Variants in BRAT1 observed in about 807,000 individuals in gnomAD.
The protein encoded by BRAT1 is integrator complex assembly factor BRAT1.
Under a neutral mutation model 70.6 loss-of-function variants are expected in BRAT1, and 74 were observed. The observed-to-expected ratio is 1.05, with a 90% CI of 0.87 to 1.27. BRAT1 has a LOEUF of 1.27. Ranked by LOEUF, BRAT1 falls within the 50% of genes most tolerant of loss-of-function variation. The pLI, the probability that BRAT1 is intolerant of heterozygous loss-of-function variation, is 0.00. For synonymous variants in BRAT1, 615 were observed against 517.1 expected, an observed-to-expected ratio of 1.19 and a Z score of -2.57; for missense variants, 1,203 against 1,098.2, an observed-to-expected ratio of 1.10 and a Z score of -1.35.
intron 6 of BRAT1, 61 bp from the exon 7 acceptor site, chr7:2,542,272 C>T: frequency 1.4e-6 from 2 of 1,398,546 alleles, no homozygotes; most frequent in Non-Finnish European, 9.9e-7. Flanking sequence ...GGCTGTGCTC[C>T]TAATGTCCCC....
intron 8 of BRAT1, 63 bp from the exon 9 acceptor site, chr7:2,541,547 C>T: frequency 6.7e-7 from 1 of 1,489,750 alleles, no homozygotes; most frequent in East Asian, 2.5e-5. Context: ...TGCAGGGGTG[C>T]TGGGACTTCG....
chr7:2,538,598 A>G lies in BRAT1; in HGVS notation c.1937T>C (p.Leu646Pro). Residue 646 changes from leucine (L) to proline (P), a missense_variant, in exon 14 of 14, where the codon CTG becomes CCG. Physicochemically the swap from Leu to Pro is moderately conservative, Grantham distance 98. Transcript: ENST00000340611. ...GCCCTGGGCGCGGACCTCCCAGTCC[A>G]GGTCTCGGCTCGCCGCCTGCAGCAC... ...ATVLQAASRD[L>P]DWEVRAQGLE... is the part of the protein sequence containing the mutation. The G allele has an allele frequency of 1.3e-6, 2 of 1,599,226 alleles. No individual in the cohort carries two copies. The highest frequency in any genetic ancestry group is 1.7e-6 in the Non-Finnish European group (2 of 1,178,944).
intron 2 of BRAT1, among the ~76,000 whole-genome samples, chr7:2,550,467 C>CAAAA (rs71550358): frequency 3.1e-4 from 10 of 32,514 alleles, no homozygotes; most frequent in East Asian, 7.6e-4. Context: ...GACTCCATCT[C>CAAAA]AAAAAAAAAA....
chr7:2,544,201 T>TTTTTG (rs1779421030), intron 4 of BRAT1: 1 of 156,722 alleles, frequency 6.4e-6, no homozygotes, highest in Non-Finnish European at 1.0e-5. Context: ...CTTCTTGTTG[T>TTTTTG]TTTTTTTTTT....
chr7:2,539,550 A>G lies in BRAT1; in HGVS notation c.1591T>C (p.Trp531Arg). Residue 531 changes from tryptophan (W) to arginine (R), a missense_variant, in exon 12 of 14, where the codon TGG becomes CGG. Physicochemically the swap from Trp to Arg is moderately radical, Grantham distance 101. Transcript: ENST00000340611. ...LEFLTQLSRH[W>R]GGQADFRCAL... ...TCCACCTGCCAGCACTCACCTCCCCAGTGCCTGCTCAGCTGGGTCAGGAAC... is the reference window on the plus strand; with the variant it reads ...TCCACCTGCCAGCACTCACCTCCCCGGTGCCTGCTCAGCTGGGTCAGGAAC... The G allele has an allele frequency of 1.9e-6, 3 of 1,561,738 alleles. No individual in the cohort carries two copies. The highest frequency in any genetic ancestry group is 1.7e-6 in the Non-Finnish European group (2 of 1,152,166).
rs966762013 is a variant in BRAT1 at position 2,554,318 on chromosome 7, C to T, written c.114G>A (p.Thr38=). ...CLEKLLDWFK[T]VTEGESSVVL... ...CCACCTCCTTACCTCCTTCAGTGAC[C>T]GTTTTAAACCAGTCCAGGAGCTTCT... Residue 38 remains threonine, a synonymous_variant, in exon 2 of 14, where the codon ACG becomes ACA. Transcript: ENST00000340611. The T allele has an allele frequency of 3.7e-6, 6 of 1,613,570 alleles. No individual in the cohort carries two copies. Among genetic ancestry groups the T allele is most frequent in the Non-Finnish European group, 5.1e-6 (6 of 1,179,750 alleles).
chr7:2,544,964 C>A lies in BRAT1; in HGVS notation c.375G>T (p.Gln125His). The change falls in exon 4 of 14, where the codon CAG (glutamine) becomes CAT (histidine). Residue 125 changes from glutamine (Q) to histidine (H), a missense_variant. Physicochemically the swap from Gln to His is conservative, Grantham distance 24. Coordinates refer to ENST00000340611, the MANE Select transcript of BRAT1 (RefSeq NM_152743.4). ...GGTGCTGTGCCAGGGAGCGCAGGCC[C>A]TGGATCCAGCCGCTGCGCACGGTGG... Reference protein sequence around the residue: ...AVPTVRSGWIQGLRSLAQHPS... With the variant: ...AVPTVRSGWIHGLRSLAQHPS... The A allele has an allele frequency of 6.4e-7, 1 of 1,563,856 alleles. No homozygotes were observed. The highest frequency in any genetic ancestry group is 8.7e-7 in the Non-Finnish European group (1 of 1,154,562).
At chr7:2,551,781 A>G (rs1329298498) in intron 2 of BRAT1, among the ~76,000 whole-genome samples, 1 of 151,826 alleles carries the variant, frequency 6.6e-6, no homozygotes, top group Admixed American at 6.6e-5. Context: ...TGAAATCTCT[A>G]GAACATTGAG....
chr7:2,545,394 G>A (rs996569681), intron 3 of BRAT1, among the ~76,000 whole-genome samples: 3 of 120,054 alleles, frequency 2.5e-5, no homozygotes, highest in African/African-American at 6.1e-5. Flanking sequence ...AAAAAAAGAG[G>A]TGAGGGGACC....
chr7:2,538,558 G>C lies in BRAT1; in HGVS notation c.1977C>G (p.Leu659=). 3.7e-6 allele frequency: 6 copies of C among 1,600,668 alleles called. No homozygotes were observed. Among genetic ancestry groups the C allele is most frequent in the Non-Finnish European group, 5.1e-6 (6 of 1,177,880 alleles). The change falls in exon 14 of 14, where the codon CTC becomes CTG. Residue 659 remains leucine, a synonymous_variant. Transcript: ENST00000340611. Reference sequence around the variant, plus strand: ...GCCCCAAAGTCTGGCCCAGGAACACGAGGGCCAGCTCCAGGCCCTGGGCGC... The same window carrying C: ...GCCCCAAAGTCTGGCCCAGGAACACCAGGGCCAGCTCCAGGCCCTGGGCGC... ...EVRAQGLELA[L]VFLGQTLGPP... is the part of the protein sequence containing the mutation.
Position 2,543,186 on chromosome 7 carries a change from A to G in BRAT1, c.923+18T>C. 2 of 1,550,864 alleles carry G rather than the reference A, an allele frequency of 1.3e-6. No homozygotes were observed. Among genetic ancestry groups the G allele is most frequent in the Non-Finnish European group, 8.7e-7 (1 of 1,148,458 alleles). ...CTCCCAGCACCCGCCTCGGAATGAA[A>G]TGCACCCCAGACCATACCAGTGCTC... On this transcript the variant is annotated intron_variant, in intron 6 of 13. Transcript: ENST00000340611. The surrounding 1 kb of genome is among the most constrained non-coding windows in gnomAD (Gnocchi z 5.5).
chr7:2,541,020 C>G lies in BRAT1; in HGVS notation c.1354G>C (p.Val452Leu), dbSNP rs1223186309. ...PQELVTQALA[V>L]LLECLESPGS... ...GGGCTCTCGAGGCACTCCAGGAGGA[C>G]AGCAAGCGCCTGCGTCACCAGCTCC... Residue 452 changes from valine (V) to leucine (L), a missense_variant, in exon 10 of 14, where the codon GTC (valine) becomes CTC (leucine). Transcript: ENST00000340611. 4 of 1,566,610 alleles carry G rather than the reference C, an allele frequency of 2.6e-6. No homozygotes were observed. In the Admixed American group the frequency reaches 6.6e-5, roughly 26 times the overall value.
chr7:2,550,911 G>T (rs1446446303), intron 2 of BRAT1, among the ~76,000 whole-genome samples: 1 of 152,070 alleles, frequency 6.6e-6, no homozygotes, highest in East Asian at 1.9e-4. Flanking sequence ...AGGGTTCCAT[G>T]GTGCCACATC....
At chr7:2,552,596 G>T (rs555089948) in intron 2 of BRAT1, among the ~76,000 whole-genome samples, 1 of 151,060 alleles carries the variant, frequency 6.6e-6, no homozygotes, top group Non-Finnish European at 1.5e-5. Context: ...AAAATAAAAA[G>T]AATAAAAGAA....
rs138336112 is a variant in BRAT1, at chr7:2,550,144, C to T, written c.128-2666G>A. On this transcript the variant is annotated intron_variant, in intron 2 of 13. Transcript: ENST00000340611. ...CACCACTGCACTCTAGCCTGAGTGA[C>T]AGAGTGAGACCCTGTCTCCAAAAAA... 2.4e-3 allele frequency among the ~76,000 whole-genome samples: 359 copies of T among 147,768 alleles called. 2 individuals are homozygous for T. Among genetic ancestry groups the T allele is most frequent in the African/African-American group, 8.4e-3 (335 of 39,730 alleles).
Position 2,554,299 on chromosome 7 carries a change from C to T in BRAT1, c.127+6G>A. The T allele has an allele frequency of 6.2e-7, 1 of 1,613,268 alleles. No homozygotes were observed. The highest frequency in any genetic ancestry group is 8.5e-7 in the Non-Finnish European group (1 of 1,179,482). ...TAGGCAGTAAACAGCAGCACCACCT[C>T]CTTACCTCCTTCAGTGACCGTTTTA... On this transcript the variant is annotated splice_donor_region_variant and intron_variant, in intron 2 of 13. Transcript: ENST00000340611.
intron 13 of BRAT1, 47 bp from the exon 14 acceptor site, chr7:2,538,811 C>G: frequency 6.3e-7 from 1 of 1,591,640 alleles, no homozygotes; most frequent in Non-Finnish European, 8.5e-7. Context: ...GTGGCAGGAG[C>G]GAGGCTCCCG....
At position 2,539,804 on chromosome 7, in the gene BRAT1, T is replaced by A. The variant is rs539902160; in HGVS notation, c.1480A>T (p.Ile494Phe). Residue 494 changes from isoleucine (I) to phenylalanine (F), a missense_variant, in exon 11 of 14, where the codon ATC (isoleucine) becomes TTC (phenylalanine). Coordinates refer to ENST00000340611, the MANE Select transcript of BRAT1 (RefSeq NM_152743.4). ...GCGTTACCTCTGAGGAACTGCGGGA[T>A]GAGGGGGCCGAGATCAGAGCAGCCG... Reference protein sequence around the residue: ...TPGCSDLGPLIPQFLRELFPV... With the variant: ...TPGCSDLGPLFPQFLRELFPV... The A allele has an allele frequency of 2.9e-5, 46 of 1,611,860 alleles. No homozygotes were observed. The highest frequency in any genetic ancestry group is 3.7e-5 in the Non-Finnish European group (44 of 1,179,216).
rs1185029266 is a variant in BRAT1, at chr7:2,545,363, CAAAAAAAAAAAAAA to C, written c.283-321_283-308del. 0.018 allele frequency among the ~76,000 whole-genome samples: 449 copies of C among 25,148 alleles called. 40 individuals are homozygous for C. In the East Asian group the frequency reaches 0.22, roughly 12 times the overall value. The allele number at this position is 25,148 out of a possible 152,430, so 16.5% of individuals were successfully genotyped here. A position where few individuals can be genotyped will look rare whatever the true frequency, so the allele number is the denominator to read the frequency against. On this transcript the variant is annotated intron_variant, in intron 3 of 13. Coordinates refer to ENST00000340611, the MANE Select transcript of BRAT1 (RefSeq NM_152743.4). Reference sequence around the variant, plus strand: ...TGGGTGACACAGCGAGACTCCATCTCAAAAAAAAAAAAAAAAAAAAAAAAAAAGAGGTGAGGGGA... The same window carrying C: ...TGGGTGACACAGCGAGACTCCATCTCAAAAAAAAAAAAAGAGGTGAGGGGA...
Sources: gnomAD v4.1 joint callset for allele counts (sites outside exome capture counted in the v4.1 genomes callset) on GRCh38, gnomAD v4.1.1 for gene constraint, Gnocchi (gnomAD v3.1) non-coding constraint, MANE v1.5 for transcripts, NCBI Gene and HGNC (gene_info 2026-07-23, HGNC 2026-07-21) for gene names.